The following USP16 variants were observed in gnomAD, a reference collection of about 807,000 sequenced individuals.
The protein encoded by USP16 is ubiquitin specific peptidase 16, also known as ubiquitin carboxyl-terminal hydrolase 16.
In USP16, 77 loss-of-function variants were observed where a neutral mutation model predicts 95.9. That is an observed-to-expected ratio of 0.80 (90% CI 0.67 to 0.97). The LOEUF is 0.97. Ranked by LOEUF, USP16 falls within the 50% of genes least tolerant of loss-of-function variation. The probability of loss-of-function intolerance (pLI) is 0.00; values close to 1 mark genes in which losing one functional copy is unlikely to be tolerated. For synonymous variants in USP16, 303 were observed against 318.2 expected, an observed-to-expected ratio of 0.95 and a Z score of 0.51; for missense variants, 943 against 959.9, an observed-to-expected ratio of 0.98 and a Z score of 0.23.
In USP16 at chr21:29,038,324, C is replaced by T; in HGVS notation, c.637-11C>T. 1 of 1,571,662 alleles carries T rather than the reference C, an allele frequency of 6.4e-7. No individual in the cohort carries two copies. The highest frequency in any genetic ancestry group is 8.7e-7 in the Non-Finnish European group (1 of 1,150,850). ...ATAATTTTTCTCTTTTTTTTTCACC[C>T]TACATTCTAGAACTTGTCACAAACA... is the stretch of plus-strand genomic sequence containing the variant. On this transcript the variant is annotated splice_polypyrimidine_tract_variant and intron_variant, in intron 6 of 17. Coordinates refer to ENST00000399976, the MANE Select transcript of USP16 (RefSeq NM_006447.3).
intron 7 of USP16, among the ~76,000 whole-genome samples, chr21:29,038,752 C>T (rs1381567008): frequency 2.0e-5 from 3 of 152,110 alleles, no homozygotes; most frequent in African/African-American, 7.2e-5. Context: ...TAAATATTAC[C>T]TTATCCATTT....
rs1237390811 is a variant in USP16, at chr21:29,042,069, C to A, written c.1087C>A (p.Leu363Ile). Reference protein sequence around the residue: ...SFVDRIFGGELTSMIMCDQCR... With the variant: ...SFVDRIFGGEITSMIMCDQCR... ...TGTTGACCGCATCTTTGGTGGTGAACTAACTAGTATGATCATGTGTGATCA... is the reference window on the plus strand; with the variant it reads ...TGTTGACCGCATCTTTGGTGGTGAAATAACTAGTATGATCATGTGTGATCA... Residue 363 changes from leucine (L) to isoleucine (I), a missense_variant, in exon 11 of 18, where the codon CTA (leucine) becomes ATA (isoleucine). Physicochemically the swap from Leu to Ile is conservative, Grantham distance 5. Coordinates refer to ENST00000399976, the MANE Select transcript of USP16 (RefSeq NM_006447.3). 6.2e-7 allele frequency: 1 copy of A among 1,613,108 alleles called. No individual in the cohort carries two copies. Among genetic ancestry groups the A allele is most frequent in the African/African-American group, 1.3e-5 (1 of 74,852 alleles).
rs915087985 is a variant in USP16, at chr21:29,035,913, G to A, written c.345-358G>A. Among the ~76,000 whole-genome samples, 14 of 151,904 alleles carry A rather than the reference G, an allele frequency of 9.2e-5. No individual in the cohort carries two copies. The South Asian group carries it at 2.1e-3, about 23-fold the overall frequency. Reference sequence around the variant, plus strand: ...AGCCTGGGCAACAGAGCGAGACTCCGTCTCAAAAAAAACCAAAAAACAAAA... The same window carrying A: ...AGCCTGGGCAACAGAGCGAGACTCCATCTCAAAAAAAACCAAAAAACAAAA... On this transcript the variant is annotated intron_variant, in intron 4 of 17. Transcript: ENST00000399976.
chr21:29,043,538 C>G lies in USP16; in HGVS notation c.1295C>G (p.Pro432Arg). Residue 432 changes from proline (P) to arginine (R), a missense_variant, in exon 13 of 18, where the codon CCT (proline) becomes CGT (arginine). Pro to Arg is a moderately radical substitution (Grantham distance 103, BLOSUM62 -2). Coordinates refer to ENST00000399976, the MANE Select transcript of USP16 (RefSeq NM_006447.3). ...DSYIKERSDI[P>R]SGTSKHLQKK... Reference sequence around the variant, plus strand: ...TACATAAAAGAGAGAAGTGATATTCCTTCTGGAACAAGTAAGCACTTACAG... The same window carrying G: ...TACATAAAAGAGAGAAGTGATATTCGTTCTGGAACAAGTAAGCACTTACAG... The G allele has an allele frequency of 6.3e-7, 1 of 1,596,002 alleles. No individual in the cohort carries two copies. Among genetic ancestry groups the G allele is most frequent in the Non-Finnish European group, 8.5e-7 (1 of 1,172,754 alleles).
chr21:29,037,506 C>G, intron 6 of USP16, 43 bp downstream of exon 6: 1 of 1,420,732 alleles, frequency 7.0e-7, no homozygotes, highest in African/African-American at 1.5e-5. Flanking sequence ...TGTCCTTTTC[C>G]TCATAGAATC....
intron 14 of USP16, among the ~76,000 whole-genome samples, chr21:29,048,407 A>G (rs2085363798): frequency 6.6e-6 from 1 of 152,140 alleles, no homozygotes; most frequent in Admixed American, 6.6e-5. Context: ...ATAGATGAGC[A>G]TTTGCAAATG....
intron 12 of USP16, 21 bp downstream of exon 12, chr21:29,042,549 T>C (rs572489889): frequency 1.3e-6 from 2 of 1,578,944 alleles, no homozygotes; most frequent in East Asian, 4.6e-5. Context: ...TGAATTTATT[T>C]TATTCAAGTA....
intron 1 of USP16, among the ~76,000 whole-genome samples, chr21:29,027,649 T>G (rs930053306): frequency 2.0e-5 from 3 of 152,228 alleles, no homozygotes; most frequent in Non-Finnish European, 4.4e-5. Context: ...GAAAACCTCT[T>G]AAGCTTGCTA....
chr21:29,034,713 T>C (rs2085127990), intron 3 of USP16, 124 bp from the exon 4 acceptor site: 1 of 866,530 alleles, frequency 1.2e-6, no homozygotes, highest in African/African-American at 1.7e-5. Flanking sequence ...GTCTAACATT[T>C]TCTTTTCAAG....
At chr21:29,044,683 A>C (rs1320801478) in intron 13 of USP16, among the ~76,000 whole-genome samples, 1 of 151,854 alleles carries the variant, frequency 6.6e-6, no homozygotes, top group Non-Finnish European at 1.5e-5. Flanking sequence ...CTGACCTCAG[A>C]TAATCTGCCC....
In USP16 at chr21:29,036,252, T is replaced by G. The variant is rs1306441604; in HGVS notation, c.345-19T>G. 1.2e-5 allele frequency: 19 copies of G among 1,584,972 alleles called. No individual in the cohort carries two copies. The highest frequency in any genetic ancestry group is 5.2e-6 in the Non-Finnish European group (6 of 1,161,646). ...AGTTGTCATTTTGTCATTTTTCATC[T>G]CTGATTTTTGGGTCACAGGTGTTAC... On this transcript the variant is annotated intron_variant, in intron 4 of 17. Coordinates refer to ENST00000399976, the MANE Select transcript of USP16 (RefSeq NM_006447.3).
intron 4 of USP16, among the ~76,000 whole-genome samples, 182 bp downstream of exon 4, chr21:29,035,122 A>G (rs1158867233): frequency 6.6e-6 from 1 of 152,242 alleles, no homozygotes; most frequent in African/African-American, 2.4e-5. Context: ...ACGTTTGCAC[A>G]AGCACAAACA....
At chr21:29,045,202 G>A (rs941106100) in intron 13 of USP16, among the ~76,000 whole-genome samples, 7 of 151,726 alleles carry the variant, frequency 4.6e-5, no homozygotes, top group South Asian at 2.1e-4. Context: ...CTGTTTTTAC[G>A]GAAACACATC....
In USP16 at chr21:29,035,836, A is replaced by G. The variant is rs1027843556; in HGVS notation, c.345-435A>G. On this transcript the variant is annotated intron_variant, in intron 4 of 17. Coordinates refer to ENST00000399976, the MANE Select transcript of USP16 (RefSeq NM_006447.3). ...CGGGAGGCTGAGGTAGGAGAATGGC[A>G]TGAACCAGGGAGCTGGAGGTTGCAG... is the stretch of plus-strand genomic sequence containing the variant. Among the ~76,000 whole-genome samples the G allele has an allele frequency of 4.1e-4, 62 of 152,124 alleles. 1 individual carries two copies. Among genetic ancestry groups the G allele is most frequent in the Admixed American group, 3.2e-3 (49 of 15,276 alleles).
intron 4 of USP16, among the ~76,000 whole-genome samples, chr21:29,035,529 A>G (rs1475589883): frequency 6.6e-6 from 1 of 151,468 alleles, no homozygotes; most frequent in Non-Finnish European, 1.5e-5. Context: ...ATGCACCACC[A>G]CGCCCGGCTA....
chr21:29,037,317 T>A lies in USP16; in HGVS notation c.490T>A (p.Leu164Ile). The A allele has an allele frequency of 6.4e-7, 1 of 1,565,422 alleles. No individual in the cohort carries two copies. Among genetic ancestry groups the A allele is most frequent in the Non-Finnish European group, 8.7e-7 (1 of 1,155,418 alleles). ...AAATATTGAACTTGAAAATAAAAAA[T>A]TAGAAAAAGAGAGTAAGAATGAACA... is the stretch of plus-strand genomic sequence containing the variant. ...NGNIELENKK[L>I]EKESKNEQER... The change falls in exon 6 of 18, where the codon TTA becomes ATA. Residue 164 changes from leucine (L) to isoleucine (I), a missense_variant. Transcript: ENST00000399976.
rs1036435551 is a variant in USP16 at position 29,036,264 on chromosome 21, G to A, written c.345-7G>A. On this transcript the variant is annotated splice_region_variant and splice_polypyrimidine_tract_variant and intron_variant, in intron 4 of 17. Transcript: ENST00000399976. ...GTCATTTTTCATCTCTGATTTTTGGGTCACAGGTGTTACGTATGTGATAAT... is the reference window on the plus strand; with the variant it reads ...GTCATTTTTCATCTCTGATTTTTGGATCACAGGTGTTACGTATGTGATAAT... 1.3e-5 allele frequency: 20 copies of A among 1,591,640 alleles called. No individual in the cohort carries two copies. In the East Asian group the frequency reaches 4.3e-4, roughly 34 times the overall value.
intron 4 of USP16, 53 bp downstream of exon 4, chr21:29,034,993 A>G: frequency 1.3e-6 from 2 of 1,510,794 alleles, no homozygotes; most frequent in Non-Finnish European, 9.1e-7. Flanking sequence ...AATATTAGAG[A>G]ATGGAAATGT....
chr21:29,025,536 T>C (rs1012863313), intron 1 of USP16, among the ~76,000 whole-genome samples: 1 of 152,230 alleles, frequency 6.6e-6, no homozygotes, highest in Non-Finnish European at 1.5e-5. Context: ...TGAGGCTCTT[T>C]CCGCAGCACT....
Sources: gnomAD v4.1 joint callset for allele counts (sites outside exome capture counted in the v4.1 genomes callset) on GRCh38, gnomAD v4.1.1 for gene constraint, MANE v1.5 for transcripts, NCBI Gene and HGNC (gene_info 2026-07-23, HGNC 2026-07-21) for gene names.